The following MACROD2 variants were observed in gnomAD, a reference collection of about 807,000 sequenced individuals.
MACROD2 encodes the protein mono-ADP ribosylhydrolase 2, also known as ADP-ribose glycohydrolase MACROD2.
MACROD2 carries 36 observed loss-of-function variants against 70.4 expected under a neutral mutation model. The ratio of observed to expected loss-of-function variants is 0.51; its 90% confidence interval spans 0.39 to 0.68. The LOEUF (loss-of-function observed/expected upper bound fraction) is 0.68, where lower values mean the gene tolerates loss of function less well. Ranked by LOEUF, MACROD2 falls within the 30% of genes least tolerant of loss-of-function variation. The pLI is 0.00. For synonymous variants in MACROD2, 172 were observed against 178.8 expected, an observed-to-expected ratio of 0.96 and a Z score of 0.30; for missense variants, 496 against 538.4, an observed-to-expected ratio of 0.92 and a Z score of 0.78.
chr20:15,983,503 G>A (rs2066431857), intron 13 of MACROD2, among the ~76,000 whole-genome samples: 1 of 152,076 alleles, frequency 6.6e-6, no homozygotes, highest in Non-Finnish European at 1.5e-5. Flanking sequence ...ATCCCTTCAG[G>A]TCTCCAAGGA....
intron 5 of MACROD2, among the ~76,000 whole-genome samples, chr20:14,843,245 A>G (rs1446438931): frequency 6.8e-6 from 1 of 147,052 alleles, no homozygotes; most frequent in Non-Finnish European, 1.5e-5. Context: ...AAAGAAAGCC[A>G]TTATCTAACT....
intron 5 of MACROD2, among the ~76,000 whole-genome samples, chr20:15,064,261 A>G (rs1411628269): frequency 6.6e-6 from 1 of 152,162 alleles, no homozygotes; most frequent in Non-Finnish European, 1.5e-5. Context: ...AAGGAGGGGC[A>G]CTGATGATCT....
intron 8 of MACROD2, among the ~76,000 whole-genome samples, chr20:15,600,507 T>C (rs1380040029): frequency 6.6e-6 from 1 of 152,140 alleles, no homozygotes; most frequent in African/African-American, 2.4e-5. Flanking sequence ...CTCCCCTTCT[T>C]CTTTCTCTAT....
At chr20:14,616,124 G>A (rs1366385946) in intron 4 of MACROD2, among the ~76,000 whole-genome samples, 4 of 152,110 alleles carry the variant, frequency 2.6e-5, no homozygotes, top group East Asian at 1.9e-4. Flanking sequence ...CTGTTTTCTT[G>A]TATTACTATC....
intron 8 of MACROD2, among the ~76,000 whole-genome samples, chr20:15,753,541 T>C (rs1429264989): frequency 1.3e-5 from 2 of 152,212 alleles, no homozygotes; most frequent in Non-Finnish European, 2.9e-5. Flanking sequence ...GTTGATTCCA[T>C]GACTTTGCTA....
intron 4 of MACROD2, among the ~76,000 whole-genome samples, chr20:14,577,338 A>C (rs17227111): frequency 0.19 from 28,276 of 152,254 alleles, 3,346 homozygotes; most frequent in Non-Finnish European, 0.26. Flanking sequence ...CATACGTATC[A>C]ATAAATAATT....
At chr20:14,750,074 T>C (rs1175538810) in intron 5 of MACROD2, among the ~76,000 whole-genome samples, 1 of 152,166 alleles carries the variant, frequency 6.6e-6, no homozygotes, top group Non-Finnish European at 1.5e-5. Context: ...ATGTTGTGTG[T>C]TTTAATCACA....
chr20:14,733,955 C>T (rs539461399), intron 5 of MACROD2, among the ~76,000 whole-genome samples: 51 of 152,238 alleles, frequency 3.4e-4, no homozygotes, highest in African/African-American at 1.2e-3. Flanking sequence ...TGAGGATAAT[C>T]GTGTGTTCTC....
intron 5 of MACROD2, among the ~76,000 whole-genome samples, chr20:15,011,334 TACAG>T (rs1162352951): frequency 6.6e-6 from 1 of 152,038 alleles, no homozygotes; most frequent in African/African-American, 2.4e-5. Flanking sequence ...GGGTAAGAAA[TACAG>T]AGAGAGAGAG....
intron 4 of MACROD2, among the ~76,000 whole-genome samples, chr20:14,571,239 C>A (rs184440439): frequency 6.6e-6 from 1 of 152,064 alleles, no homozygotes; most frequent in African/African-American, 2.4e-5. Context: ...GGCTGGTTAT[C>A]TAGCACTGGT....
chr20:15,435,430 G>A (rs1179609408), intron 7 of MACROD2, among the ~76,000 whole-genome samples: 2 of 151,932 alleles, frequency 1.3e-5, no homozygotes, highest in African/African-American at 4.8e-5. Flanking sequence ...ATATTATATG[G>A]ACATGTTTAA....
intron 2 of MACROD2, among the ~76,000 whole-genome samples, chr20:14,012,576 A>C (rs1053492750): frequency 6.6e-6 from 1 of 152,194 alleles, no homozygotes; most frequent in East Asian, 1.9e-4. Flanking sequence ...TGCAGACCTA[A>C]ATATCAAGCA....
intron 5 of MACROD2, among the ~76,000 whole-genome samples, chr20:15,165,878 C>A (rs1439873698): frequency 6.6e-6 from 1 of 152,008 alleles, no homozygotes; most frequent in East Asian, 1.9e-4. Flanking sequence ...AAACTAGAAG[C>A]AGTCCAAATG....
chr20:14,952,760 T>C (rs1161529154), intron 5 of MACROD2, among the ~76,000 whole-genome samples: 1 of 152,148 alleles, frequency 6.6e-6, no homozygotes, highest in Non-Finnish European at 1.5e-5. Flanking sequence ...GTTGCTCACC[T>C]GAAAGTGGTT....
chr20:14,445,738 G>A (rs1477546415), intron 3 of MACROD2, among the ~76,000 whole-genome samples: 1 of 152,120 alleles, frequency 6.6e-6, no homozygotes, highest in African/African-American at 2.4e-5. Context: ...CGCAAGGATA[G>A]TTCTAGGGGC....
rs1170442643 is a variant in MACROD2 at position 14,102,114 on chromosome 20, C to T, written c.271+16386C>T. 2.7e-5 allele frequency among the ~76,000 whole-genome samples: 4 copies of T among 147,648 alleles called. No homozygotes were observed. In the East Asian group the frequency reaches 6.3e-4, roughly 23 times the overall value. On this transcript the variant is annotated intron_variant, in intron 3 of 17. Coordinates refer to ENST00000684519, the MANE Select transcript of MACROD2 (RefSeq NM_001351661.2). Reference sequence around the variant, plus strand: ...CGCCTCCCAGGTTCAAGTGATTCTCCTGCCTCAGCCTCCTGAGTAGCTGGG... The same window carrying T: ...CGCCTCCCAGGTTCAAGTGATTCTCTTGCCTCAGCCTCCTGAGTAGCTGGG...
In MACROD2 at chr20:14,628,717, G is replaced by T. The variant is rs1451479669; in HGVS notation, c.302-56126G>T. The T allele has an allele frequency of 2.0e-5, 3 of 152,168 alleles. No individual in the cohort carries two copies. In the East Asian group the frequency reaches 5.8e-4, roughly 29 times the overall value. The allele number at this position is 152,168 out of a possible 1,614,324, so 9.4% of individuals were successfully genotyped here. A position where few individuals can be genotyped will look rare whatever the true frequency, so the allele number is the denominator to read the frequency against. On this transcript the variant is annotated intron_variant, in intron 4 of 17. Coordinates refer to ENST00000684519, the MANE Select transcript of MACROD2 (RefSeq NM_001351661.2). ...GGACCATATCATACAGACAGTAGAAGCCATGGATGATCTCATTCCAGGAGC... is the reference window on the plus strand; with the variant it reads ...GGACCATATCATACAGACAGTAGAATCCATGGATGATCTCATTCCAGGAGC...
At chr20:15,117,808 G>A (rs914019486) in intron 5 of MACROD2, among the ~76,000 whole-genome samples, 1 of 152,146 alleles carries the variant, frequency 6.6e-6, no homozygotes. Context: ...TAGACTTAAT[G>A]CACCTATCTT....
At chr20:15,491,636 G>A (rs1376995381) in intron 7 of MACROD2, among the ~76,000 whole-genome samples, 1 of 152,196 alleles carries the variant, frequency 6.6e-6, no homozygotes, top group African/African-American at 2.4e-5. Flanking sequence ...GAGGGGTGAG[G>A]GAGCTGAGGT....
Sources: gnomAD v4.1 joint callset for allele counts (sites outside exome capture counted in the v4.1 genomes callset) on GRCh38, gnomAD v4.1.1 for gene constraint, MANE v1.5 for transcripts, NCBI Gene and HGNC (gene_info 2026-07-23, HGNC 2026-07-21) for gene names.